The following SRGAP1 variants were observed in gnomAD, a reference collection of about 807,000 sequenced individuals.
SRGAP1 encodes the protein SLIT-ROBO Rho GTPase activating protein 1, also known as SLIT-ROBO Rho GTPase-activating protein 1.
SRGAP1 carries 43 observed loss-of-function variants against 121.9 expected under a neutral mutation model. That is an observed-to-expected ratio of 0.35 (90% CI 0.28 to 0.46). The LOEUF (loss-of-function observed/expected upper bound fraction) is 0.46, where lower values mean the gene tolerates loss of function less well. Ranked by LOEUF, SRGAP1 falls within the 20% of genes least tolerant of loss-of-function variation. The pLI, the probability that SRGAP1 is intolerant of heterozygous loss-of-function variation, is 1.00. For synonymous variants in SRGAP1, 447 were observed against 485.4 expected (o/e 0.92, Z 1.04); for missense variants, 1,102 against 1,350.9 (o/e 0.82, Z 2.89).
chr12:64,088,685 G>A (rs1016580434), intron 11 of SRGAP1, among the ~76,000 whole-genome samples: 5 of 152,146 alleles, frequency 3.3e-5, no homozygotes, highest in African/African-American at 7.2e-5. Flanking sequence ...GAGGCAATTC[G>A]TTTTCATTCC....
At chr12:64,076,618 T>A (rs1163997070) in intron 8 of SRGAP1, among the ~76,000 whole-genome samples, 1 of 152,124 alleles carries the variant, frequency 6.6e-6, no homozygotes, top group East Asian at 1.9e-4. Flanking sequence ...CAGTAATGTC[T>A]AATATACTAA....
At chr12:63,913,480 T>TATATATATATATATATATAG (rs1439123798) in intron 1 of SRGAP1, among the ~76,000 whole-genome samples, 2 of 108,626 alleles carry the variant, frequency 1.8e-5, no homozygotes, top group Admixed American at 9.6e-5. Flanking sequence ...TATATATGGA[T>TATATATATATATATATATAG]ATATATATAT....
chr12:64,000,540 G>A lies in SRGAP1; in HGVS notation c.426+10468G>A, dbSNP rs73317375. ...AAGTGGGAGGATTGCTTGAGCCCAG[G>A]CATTTAAGGCTACAGTAAGCAATGA... On this transcript the variant is annotated intron_variant, in intron 3 of 21. Coordinates refer to ENST00000355086, the MANE Select transcript of SRGAP1 (RefSeq NM_020762.4). 9.8e-3 allele frequency among the ~76,000 whole-genome samples: 1,488 copies of A among 152,250 alleles called. 23 individuals carry two copies. Among genetic ancestry groups the A allele is most frequent in the African/African-American group, 0.034 (1,407 of 41,526 alleles).
chr12:64,028,877 A>G (rs1287081516), intron 4 of SRGAP1, among the ~76,000 whole-genome samples: 1 of 152,180 alleles, frequency 6.6e-6, no homozygotes, highest in Admixed American at 6.5e-5. Context: ...GGGGTACTTT[A>G]TTACTTGTGT....
chr12:64,046,795 G>A (rs2035139342), intron 6 of SRGAP1, among the ~76,000 whole-genome samples: 1 of 152,080 alleles, frequency 6.6e-6, no homozygotes, highest in Non-Finnish European at 1.5e-5. Context: ...TCAGGATTTT[G>A]AGAGTCATTA....
intron 1 of SRGAP1, among the ~76,000 whole-genome samples, chr12:63,944,005 G>A (rs916928187): frequency 6.6e-6 from 1 of 152,332 alleles, no homozygotes; most frequent in East Asian, 1.9e-4. Flanking sequence ...GCAGTTGGAT[G>A]TATATGTACA....
At chr12:63,928,514 A>G (rs1217373393) in intron 1 of SRGAP1, among the ~76,000 whole-genome samples, 1 of 152,166 alleles carries the variant, frequency 6.6e-6, no homozygotes, top group Non-Finnish European at 1.5e-5. Flanking sequence ...AGAAAACACT[A>G]TTCATACAAG....
At chr12:64,066,193 A>G (rs1445700841) in intron 8 of SRGAP1, among the ~76,000 whole-genome samples, 1 of 152,142 alleles carries the variant, frequency 6.6e-6, no homozygotes, top group Non-Finnish European at 1.5e-5. Context: ...TGATTTCTTC[A>G]TGTGTGTTGG....
At chr12:64,110,117 A>G (rs1478865483) in intron 16 of SRGAP1, among the ~76,000 whole-genome samples, 2 of 152,166 alleles carry the variant, frequency 1.3e-5, no homozygotes, top group African/African-American at 4.8e-5. Flanking sequence ...TTTTACCTTT[A>G]AGGAAACACA....
At chr12:64,127,536 T>C (rs1406802826) in intron 19 of SRGAP1, 54 bp from the exon 20 acceptor site, 3 of 1,537,274 alleles carry the variant, frequency 2.0e-6, no homozygotes, top group African/African-American at 1.4e-5. Context: ...CTAGCAAATT[T>C]TGTAAAATTT....
rs114748254 is a variant in SRGAP1 at position 64,058,985 on chromosome 12, T to C, written c.802-3932T>C. On this transcript the variant is annotated intron_variant, in intron 6 of 21. Coordinates refer to ENST00000355086, the MANE Select transcript of SRGAP1 (RefSeq NM_020762.4). ...AAGCCAATTAAGTGATCTTATAGAC[T>C]GACAAGCACCATAGGGGTCAGAGAA... Among the ~76,000 whole-genome samples the C allele has an allele frequency of 4.8e-3, 731 of 152,240 alleles. 6 individuals carry two copies. Among genetic ancestry groups the C allele is most frequent in the African/African-American group, 0.017 (701 of 41,552 alleles).
At chr12:63,974,899 G>A (rs984208736) in intron 1 of SRGAP1, among the ~76,000 whole-genome samples, 3 of 152,084 alleles carry the variant, frequency 2.0e-5, no homozygotes, top group Non-Finnish European at 4.4e-5. Context: ...CTACATTTAT[G>A]CAGCCTCCCA....
At chr12:63,919,527 T>TAC (rs945499841) in intron 1 of SRGAP1, among the ~76,000 whole-genome samples, 36 of 146,376 alleles carry the variant, frequency 2.5e-4, no homozygotes, top group African/African-American at 3.5e-4. Context: ...TATATACACA[T>TAC]ACACACACAC....
At chr12:64,047,704 A>G (rs1466372966) in intron 6 of SRGAP1, among the ~76,000 whole-genome samples, 1 of 152,152 alleles carries the variant, frequency 6.6e-6, no homozygotes. Context: ...TCTATGATGA[A>G]CCATTATAAA....
Position 64,095,223 on chromosome 12 carries a change from C to A in SRGAP1, c.1678+19C>A. ...GAGAGAGGTAATTGCACGTCTATCC[C>A]TATAAGCAAACCACGTTGAAAAGTC... On this transcript the variant is annotated intron_variant, in intron 14 of 21. Coordinates refer to ENST00000355086, the MANE Select transcript of SRGAP1 (RefSeq NM_020762.4). 6.2e-7 allele frequency: 1 copy of A among 1,607,610 alleles called. No homozygotes were observed. The highest frequency in any genetic ancestry group is 8.5e-7 in the Non-Finnish European group (1 of 1,175,650).
At chr12:63,864,692 T>G (rs950109980) in intron 1 of SRGAP1, among the ~76,000 whole-genome samples, 10 of 152,220 alleles carry the variant, frequency 6.6e-5, no homozygotes, top group Non-Finnish European at 1.2e-4. Flanking sequence ...AAAGCAATAA[T>G]AATAAATGTT....
At chr12:63,936,493 G>T (rs1488719608) in intron 1 of SRGAP1, among the ~76,000 whole-genome samples, 1 of 152,104 alleles carries the variant, frequency 6.6e-6, no homozygotes, top group African/African-American at 2.4e-5. Context: ...GAGAATTTTT[G>T]TAGACACTAA....
chr12:63,886,551 C>A (rs893015047), intron 1 of SRGAP1, among the ~76,000 whole-genome samples: 1 of 149,144 alleles, frequency 6.7e-6, no homozygotes, highest in Non-Finnish European at 1.5e-5. Flanking sequence ...ACAATCTTGG[C>A]TCACTCAGCC....
At chr12:63,901,626 CTTGT>C (rs2029934133) in intron 1 of SRGAP1, among the ~76,000 whole-genome samples, 1 of 152,190 alleles carries the variant, frequency 6.6e-6, no homozygotes, top group Non-Finnish European at 1.5e-5. Flanking sequence ...TTTTGCACAT[CTTGT>C]TTGTTTTTAG....
Sources: gnomAD v4.1 joint callset for allele counts (sites outside exome capture counted in the v4.1 genomes callset) on GRCh38, gnomAD v4.1.1 for gene constraint, MANE v1.5 for transcripts, NCBI Gene and HGNC (gene_info 2026-07-23, HGNC 2026-07-21) for gene names.